IL1RAPL2: variants seen among roughly 807,000 people sequenced by gnomAD.
IL1RAPL2 encodes the protein X-linked interleukin-1 receptor accessory protein-like 2.
Under a neutral mutation model 44.1 loss-of-function variants are expected in IL1RAPL2, and 3 were observed. That is an observed-to-expected ratio of 0.07 (90% confidence interval 0.03 to 0.18). The LOEUF is 0.18. IL1RAPL2 is among the 10% of genes least tolerant of loss of function. The pLI, the probability that IL1RAPL2 is intolerant of heterozygous loss-of-function variation, is 1.00. For synonymous variants in IL1RAPL2, 181 were observed against 178.8 expected (o/e 1.01, Z -0.10); for missense variants, 391 against 496.4 (o/e 0.79, Z 2.02).
At chrX:105,077,515 A>T (rs4590579) in intron 2 of IL1RAPL2, among the ~76,000 whole-genome samples, 2,148 of 110,437 alleles carry the variant, frequency 0.019, 51 homozygotes, top group African/African-American at 0.067. Flanking sequence ...TCTGACAATT[A>T]TGTGTCTTGG....
chrX:105,761,664 G>A (rs2038689318), intron 10 of IL1RAPL2, among the ~76,000 whole-genome samples: 3 of 111,829 alleles, frequency 2.7e-5, no homozygotes, highest in Admixed American at 1.9e-4. Context: ...AGTATTATCT[G>A]TTTTGATGCA....
intron 6 of IL1RAPL2, among the ~76,000 whole-genome samples, chrX:105,635,606 A>G (rs1271938964): frequency 9.0e-6 from 1 of 111,655 alleles, no homozygotes; most frequent in East Asian, 2.8e-4. Context: ...GCAATTGTCT[A>G]CCTAAACTTC....
At chrX:105,274,657 C>T (rs1361715529) in intron 5 of IL1RAPL2, among the ~76,000 whole-genome samples, 2 of 111,900 alleles carry the variant, frequency 1.8e-5, no homozygotes, top group African/African-American at 6.5e-5. Context: ...GAGTTATTCA[C>T]TAGAATAGTG....
At chrX:105,402,381 C>T (rs1217074959) in intron 5 of IL1RAPL2, among the ~76,000 whole-genome samples, 1 of 111,578 alleles carries the variant, frequency 9.0e-6, no homozygotes, top group African/African-American at 3.2e-5. Context: ...AATGTACTTT[C>T]CTAGCCTGTT....
chrX:105,457,539 A>G (rs1307728750), intron 5 of IL1RAPL2, among the ~76,000 whole-genome samples: 4 of 110,470 alleles, frequency 3.6e-5, no homozygotes, highest in Non-Finnish European at 7.6e-5. Flanking sequence ...TTCACTTAGC[A>G]TGATATTTTC....
intron 2 of IL1RAPL2, among the ~76,000 whole-genome samples, chrX:105,172,619 T>C (rs1046742881): frequency 9.0e-6 from 1 of 111,715 alleles, no homozygotes; most frequent in African/African-American, 3.3e-5. Flanking sequence ...AGAGTCCCTA[T>C]TGTACCTAAG....
chrX:105,644,340 T>C (rs1239674304), intron 6 of IL1RAPL2, among the ~76,000 whole-genome samples: 1 of 111,474 alleles, frequency 9.0e-6, no homozygotes, highest in Non-Finnish European at 1.9e-5. Flanking sequence ...CTCTCTGATA[T>C]CAGAGATAAG....
intron 4 of IL1RAPL2, among the ~76,000 whole-genome samples, chrX:105,235,725 A>G (rs1428793985): frequency 8.9e-6 from 1 of 112,425 alleles, no homozygotes; most frequent in Non-Finnish European, 1.9e-5. Flanking sequence ...CATCAACCTC[A>G]TTTGTATTTA....
At chrX:105,532,540 T>C (rs1376958069) in intron 6 of IL1RAPL2, among the ~76,000 whole-genome samples, 1 of 111,218 alleles carries the variant, frequency 9.0e-6, no homozygotes, top group East Asian at 2.8e-4. Context: ...CAGTTAGATA[T>C]ATGAGTTTCT....
intron 5 of IL1RAPL2, chrX:105,405,734 A>C: frequency 1.0e-6 from 1 of 960,232 alleles, no homozygotes; most frequent in Non-Finnish European, 1.5e-6. Context: ...TGTCACACAA[A>C]AGTGTGTCCT....
intron 2 of IL1RAPL2, among the ~76,000 whole-genome samples, chrX:104,867,985 A>G (rs1922661871): frequency 9.0e-6 from 1 of 111,626 alleles, no homozygotes; most frequent in East Asian, 2.8e-4. Flanking sequence ...CTTTTACACC[A>G]TATCAAGGGA....
chrX:105,467,107 A>G (rs1239044424), intron 5 of IL1RAPL2, among the ~76,000 whole-genome samples: 1 of 111,754 alleles, frequency 8.9e-6, no homozygotes, highest in Non-Finnish European at 1.9e-5. Context: ...TAACACATGA[A>G]CTTTTGTGGG....
At chrX:105,580,946 A>G (rs935684533) in intron 6 of IL1RAPL2, among the ~76,000 whole-genome samples, 1 of 111,966 alleles carries the variant, frequency 8.9e-6, no homozygotes, top group Admixed American at 9.5e-5. Flanking sequence ...TTGGAAACAC[A>G]TTCTGTAATA....
intron 5 of IL1RAPL2, among the ~76,000 whole-genome samples, chrX:105,311,611 T>TACAC (rs369751919): frequency 0.049 from 4,494 of 92,470 alleles, 139 homozygotes; most frequent in Admixed American, 0.11. Context: ...TATACATACA[T>TACAC]ACACACACAC....
chrX:104,733,076 A>G (rs1169591810), intron 2 of IL1RAPL2, among the ~76,000 whole-genome samples: 1 of 111,884 alleles, frequency 8.9e-6, no homozygotes, highest in East Asian at 2.8e-4. Flanking sequence ...ATATAATTTG[A>G]TTTTAAAAAC....
chrX:105,715,365 C>G (rs2038248237), intron 6 of IL1RAPL2, among the ~76,000 whole-genome samples: 1 of 111,879 alleles, frequency 8.9e-6, no homozygotes, highest in Non-Finnish European at 1.9e-5. Flanking sequence ...TTAAAATTAA[C>G]TTGATTACGT....
chrX:104,613,279 A>C (rs1265259773), intron 1 of IL1RAPL2, among the ~76,000 whole-genome samples: 2 of 111,614 alleles, frequency 1.8e-5, no homozygotes, highest in Non-Finnish European at 3.8e-5. Context: ...TTGTCCTTTC[A>C]GTATAATGTT....
chrX:105,446,942 G>C (rs941210061), intron 5 of IL1RAPL2, among the ~76,000 whole-genome samples: 1 of 101,538 alleles, frequency 9.8e-6, no homozygotes, highest in African/African-American at 3.6e-5. Context: ...CCCTCAGATT[G>C]AGGAACTCCC....
At chrX:105,074,942 C>T (rs1412130854) in intron 2 of IL1RAPL2, among the ~76,000 whole-genome samples, 1 of 111,131 alleles carries the variant, frequency 9.0e-6, no homozygotes, top group Non-Finnish European at 1.9e-5. Context: ...AGATTTTGGG[C>T]TGAGACGATG....
Sources: allele counts gnomAD v4.1 joint callset (sites outside exome capture counted in the v4.1 genomes callset), GRCh38; gene constraint gnomAD v4.1.1; transcripts MANE v1.5; gene names NCBI Gene and HGNC (gene_info 2026-07-23, HGNC 2026-07-21).